CSRNP3: variants seen among roughly 807,000 people sequenced by gnomAD.
CSRNP3 encodes the protein cysteine and serine rich nuclear protein 3, also known as cysteine/serine-rich nuclear protein 3.
In CSRNP3, 12 loss-of-function variants were observed where a neutral mutation model predicts 48.0. The observed-to-expected ratio is 0.25, with a 90% CI of 0.16 to 0.41. The LOEUF is 0.41. CSRNP3 is among the 10% of genes least tolerant of loss of function. The probability of loss-of-function intolerance (pLI) is 1.00; values close to 1 mark genes in which losing one functional copy is unlikely to be tolerated. For missense variants in CSRNP3, 580 were observed against 724.4 expected (o/e 0.80, Z 2.29); for synonymous variants, 263 against 269.7 (o/e 0.98, Z 0.24).
intron 3 of CSRNP3, among the ~76,000 whole-genome samples, chr2:165,589,557 C>G (rs1209800293): frequency 6.6e-6 from 1 of 152,164 alleles, no homozygotes; most frequent in African/African-American, 2.4e-5. Flanking sequence ...ATACTGATCA[C>G]ACTCTTAGCA....
intron 4 of CSRNP3, among the ~76,000 whole-genome samples, chr2:165,595,828 G>A (rs531484914): frequency 3.3e-5 from 5 of 152,054 alleles, no homozygotes; most frequent in South Asian, 2.1e-4. Context: ...ATGGAGTCTC[G>A]CTCTGTCGCC....
chr2:165,615,683 A>T (rs1686227879), intron 4 of CSRNP3, among the ~76,000 whole-genome samples: 1 of 151,688 alleles, frequency 6.6e-6, no homozygotes, highest in South Asian at 2.1e-4. Flanking sequence ...TTATTTCTGC[A>T]TGCTTTTGTA....
intron 3 of CSRNP3, among the ~76,000 whole-genome samples, chr2:165,520,391 G>A (rs576023103): frequency 3.9e-5 from 6 of 151,966 alleles, no homozygotes; most frequent in Non-Finnish European, 5.9e-5. Flanking sequence ...AAAGTCATTC[G>A]GTCTTGACTT....
rs1687503131 is a variant in CSRNP3 at position 165,679,829 on chromosome 2, T to C, written c.*76T>C. 1.3e-6 allele frequency: 2 copies of C among 1,520,814 alleles called. No homozygotes were observed. Among genetic ancestry groups the C allele is most frequent in the Admixed American group, 2.2e-5 (1 of 45,980 alleles). 94.2% of individuals were successfully genotyped at this position (1,520,814 alleles called of 1,614,324 possible). On this transcript the variant is annotated 3_prime_UTR_variant, in exon 7 of 7. Coordinates refer to ENST00000651982, the MANE Select transcript of CSRNP3 (RefSeq NM_001172173.2). ...TTAATTGGATTTCCTGGGCTCATCATTGTTTAAACTGAAGACCAAGAAAAC... is the reference window on the plus strand; with the variant it reads ...TTAATTGGATTTCCTGGGCTCATCACTGTTTAAACTGAAGACCAAGAAAAC...
intron 2 of CSRNP3, among the ~76,000 whole-genome samples, chr2:165,496,835 T>C (rs576171980): frequency 6.6e-6 from 1 of 152,148 alleles, no homozygotes; most frequent in Non-Finnish European, 1.5e-5. Flanking sequence ...GTCTATGACT[T>C]TCCTAAAGTT....
chr2:165,601,243 C>G (rs1171704656), intron 4 of CSRNP3, among the ~76,000 whole-genome samples: 1 of 152,134 alleles, frequency 6.6e-6, no homozygotes, highest in Non-Finnish European at 1.5e-5. Context: ...TACAGAGAAA[C>G]TAGAGAGGAA....
In CSRNP3 at chr2:165,540,968, C is replaced by T. The variant is rs188037386; in HGVS notation, c.-24+23007C>T. Among the ~76,000 whole-genome samples the T allele has an allele frequency of 7.2e-4, 109 of 152,042 alleles. No individual in the cohort carries two copies. In the South Asian group the frequency reaches 7.7e-3, roughly 11 times the overall value. On this transcript the variant is annotated intron_variant, in intron 3 of 6. Transcript: ENST00000651982. ...GTAAAAATCAAATATTTTTACATGG[C>T]GGGGTTTTCTCTGAAGAGTATGGCC...
At chr2:165,495,303 A>G (rs2105461048) in intron 2 of CSRNP3, among the ~76,000 whole-genome samples, 1 of 152,158 alleles carries the variant, frequency 6.6e-6, no homozygotes, top group East Asian at 1.9e-4. Context: ...AGTGTAACAC[A>G]TTTACTTCCT....
rs912496619 is a variant in CSRNP3, at chr2:165,615,312, G to A, written c.148+20099G>A. Among the ~76,000 whole-genome samples the A allele has an allele frequency of 6.6e-5, 10 of 152,116 alleles. No individual in the cohort carries two copies. The South Asian group carries it at 8.3e-4, about 13-fold the overall frequency. Reference sequence around the variant, plus strand: ...TAATCCCAGCACTTTGGGAGGCCGAGTCGGGCAGATCACAAGACCAGGAGA... The same window carrying A: ...TAATCCCAGCACTTTGGGAGGCCGAATCGGGCAGATCACAAGACCAGGAGA... On this transcript the variant is annotated intron_variant, in intron 4 of 6. Coordinates refer to ENST00000651982, the MANE Select transcript of CSRNP3 (RefSeq NM_001172173.2).
At position 165,676,406 on chromosome 2, in the gene CSRNP3, T is replaced by C; in HGVS notation, c.503T>C (p.Val168Ala). 1 of 1,613,740 alleles carries C rather than the reference T, an allele frequency of 6.2e-7. No individual in the cohort carries two copies. The highest frequency in any genetic ancestry group is 8.5e-7 in the Non-Finnish European group (1 of 1,179,690). The change falls in exon 6 of 7, where the codon GTA (valine) becomes GCA (alanine). Residue 168 changes from valine to alanine, a missense_variant. Val to Ala is a moderately conservative substitution (Grantham distance 64, BLOSUM62 0). Around this residue, in one of 4 missense-constraint regions of CSRNP3, gnomAD observed 62 missense variants for 66.4 expected, o/e 0.93. Coordinates refer to ENST00000651982, the MANE Select transcript of CSRNP3 (RefSeq NM_001172173.2). ...GACATTGACCTGGACAACACAGAGG[T>C]AGATGAGTACTTCTTCCTACAACCT... ...DDDIDLDNTEVDEYFFLQPLP... is the reference protein window; with the variant it reads ...DDDIDLDNTEADEYFFLQPLP...
intron 4 of CSRNP3, among the ~76,000 whole-genome samples, chr2:165,612,910 T>G (rs1686163798): frequency 6.6e-6 from 1 of 152,120 alleles, no homozygotes; most frequent in Non-Finnish European, 1.5e-5. Flanking sequence ...ATATACTGAT[T>G]TCCTTTCTTT....
chr2:165,529,998 A>G (rs957739534), intron 3 of CSRNP3, among the ~76,000 whole-genome samples: 1 of 152,238 alleles, frequency 6.6e-6, no homozygotes, highest in Non-Finnish European at 1.5e-5. Flanking sequence ...ATGATTGCAA[A>G]TGTTTTTTAA....
intron 3 of CSRNP3, among the ~76,000 whole-genome samples, chr2:165,592,180 G>A (rs1234964641): frequency 2.0e-5 from 3 of 152,192 alleles, no homozygotes; most frequent in Non-Finnish European, 4.4e-5. Flanking sequence ...AGGCTTAATG[G>A]CTACCCTATT....
chr2:165,676,181 A>C, intron 5 of CSRNP3, 131 bp from the exon 6 acceptor site: 2 of 724,442 alleles, frequency 2.8e-6, no homozygotes, highest in Non-Finnish European at 4.7e-6. Context: ...AGATTAAAAA[A>C]ATGATCTAAC....
chr2:165,476,754 T>C (rs1683967333), intron 1 of CSRNP3, among the ~76,000 whole-genome samples: 1 of 152,246 alleles, frequency 6.6e-6, no homozygotes. Flanking sequence ...TATCTGAGCC[T>C]TAGTTTTCTT....
chr2:165,582,206 C>T (rs565680815), intron 3 of CSRNP3, among the ~76,000 whole-genome samples: 5 of 152,242 alleles, frequency 3.3e-5, no homozygotes, highest in African/African-American at 9.6e-5. Flanking sequence ...CTTCAGTTTC[C>T]TTTGTTAAAA....
chr2:165,528,932 C>T (rs1158666323), intron 3 of CSRNP3, among the ~76,000 whole-genome samples: 1 of 152,158 alleles, frequency 6.6e-6, no homozygotes, highest in African/African-American at 2.4e-5. Context: ...CCACCCAAGC[C>T]ATAGCTGTGG....
At chr2:165,608,577 T>G (rs1686069346) in intron 4 of CSRNP3, among the ~76,000 whole-genome samples, 1 of 152,170 alleles carries the variant, frequency 6.6e-6, no homozygotes, top group Admixed American at 6.5e-5. Context: ...GTCTCATGTA[T>G]GTGCTAATTG....
chr2:165,648,810 T>G (rs1230431571), intron 4 of CSRNP3, among the ~76,000 whole-genome samples: 1 of 152,204 alleles, frequency 6.6e-6, no homozygotes, highest in African/African-American at 2.4e-5. Context: ...GGTCAAAGTG[T>G]GTGTTAAATT....
Sources: allele counts gnomAD v4.1 joint callset (sites outside exome capture counted in the v4.1 genomes callset), GRCh38; gene constraint gnomAD v4.1.1; regional missense constraint gnomAD v4.1.1; transcripts MANE v1.5; gene names NCBI Gene and HGNC (gene_info 2026-07-23, HGNC 2026-07-21).